Variants in DPP6 observed in about 807,000 individuals in gnomAD.
DPP6 encodes the protein dipeptidyl peptidase like 6.
Under a neutral mutation model 122.6 loss-of-function variants are expected in DPP6, and 69 were observed. The observed-to-expected ratio is 0.56, with a 90% CI of 0.46 to 0.69. The LOEUF (loss-of-function observed/expected upper bound fraction) is 0.69, where lower values mean the gene tolerates loss of function less well. Among genes scored for constraint, DPP6 ranks in the 30% least tolerant of loss-of-function variants. The pLI, the probability that DPP6 is intolerant of heterozygous loss-of-function variation, is 0.00. For missense variants in DPP6, 928 were observed against 1,116.9 expected (o/e 0.83, Z 2.41); for synonymous variants, 418 against 433.1 (o/e 0.97, Z 0.43).
At chr7:154,393,554 A>ATTTTTT (rs552425581) in intron 1 of DPP6, among the ~76,000 whole-genome samples, 4 of 141,498 alleles carry the variant, frequency 2.8e-5, no homozygotes, top group Admixed American at 1.4e-4. Flanking sequence ...AGATTGTTCA[A>ATTTTTT]TTTTTTTTTT....
intron 1 of DPP6, among the ~76,000 whole-genome samples, chr7:153,973,972 GC>G (rs1309964327): frequency 6.6e-6 from 1 of 151,806 alleles, no homozygotes; most frequent in Non-Finnish European, 1.5e-5. Flanking sequence ...TGAACCCTTA[GC>G]CATCCTTGTT....
chr7:154,369,468 A>G (rs1812459750), intron 1 of DPP6, among the ~76,000 whole-genome samples: 1 of 152,074 alleles, frequency 6.6e-6, no homozygotes. Context: ...TCCTGGGTTC[A>G]AGCGATTCTC....
intron 5 of DPP6, among the ~76,000 whole-genome samples, chr7:154,631,859 G>A (rs575203200): frequency 6.6e-6 from 1 of 152,284 alleles, no homozygotes; most frequent in Middle Eastern, 3.4e-3. Flanking sequence ...TCAACAAGAA[G>A]CAGGAGGGTA....
the DPP6 span, among the ~76,000 whole-genome samples, chr7:153,770,131 G>T: frequency 3.4e-4 from 52 of 152,244 alleles, no homozygotes; most frequent in East Asian, 9.9e-3. Flanking sequence ...GGACTCTACT[G>T]CCCCGTGTCC....
the DPP6 span, among the ~76,000 whole-genome samples, chr7:153,777,373 A>G: frequency 6.8e-5 from 10 of 147,522 alleles, no homozygotes; most frequent in East Asian, 1.8e-3. Context: ...TGGTCCAGGC[A>G]TCTCGTCCCT....
rs113605313 is a variant in DPP6, at chr7:154,810,858, C to T, written c.1666+3746C>T. On this transcript the variant is annotated intron_variant, in intron 16 of 25. Transcript: ENST00000377770. ...CTTCAGAAAGGATGGGATGCTCCTCCTGCCAATGCCTGGATCCCTATAATA... is the reference window on the plus strand; with the variant it reads ...CTTCAGAAAGGATGGGATGCTCCTCTTGCCAATGCCTGGATCCCTATAATA... Among the ~76,000 whole-genome samples the T allele has an allele frequency of 4.4e-3, 667 of 152,342 alleles. 2 individuals carry two copies. Among genetic ancestry groups the T allele is most frequent in the African/African-American group, 0.015 (630 of 41,584 alleles).
chr7:153,857,503 A>G, the DPP6 span, among the ~76,000 whole-genome samples: 1 of 152,174 alleles, frequency 6.6e-6, no homozygotes, highest in Non-Finnish European at 1.5e-5. Context: ...CACTGCTTAC[A>G]GCTTTCTGGC....
At chr7:154,087,225 C>T (rs1804489141) in intron 1 of DPP6, among the ~76,000 whole-genome samples, 1 of 151,862 alleles carries the variant, frequency 6.6e-6, no homozygotes, top group Non-Finnish European at 1.5e-5. Flanking sequence ...TTGGCTGGCA[C>T]ACAAGGAAGG....
intron 1 of DPP6, among the ~76,000 whole-genome samples, chr7:154,043,438 G>T (rs1460361233): frequency 1.6e-5 from 1 of 63,430 alleles, no homozygotes. Context: ...AAAAAAAAAA[G>T]GACCTATTCC....
the DPP6 span, among the ~76,000 whole-genome samples, chr7:153,804,119 G>A: frequency 1.1e-3 from 168 of 150,752 alleles, 1 homozygote; most frequent in African/African-American, 3.9e-3. Context: ...GTGTGATCTC[G>A]ACTCGCTGCA....
At chr7:154,161,089 G>T (rs1440272382) in intron 1 of DPP6, among the ~76,000 whole-genome samples, 1 of 152,166 alleles carries the variant, frequency 6.6e-6, no homozygotes, top group South Asian at 2.1e-4. Flanking sequence ...TTCTCCAAAA[G>T]AAATAGTTTT....
rs191679735 is a variant in DPP6 at position 154,516,628 on chromosome 7, G to A, written c.458-23904G>A. 5.5e-4 allele frequency among the ~76,000 whole-genome samples: 83 copies of A among 152,282 alleles called. 1 individual carries two copies. Among genetic ancestry groups the A allele is most frequent in the African/African-American group, 1.9e-3 (81 of 41,554 alleles). The stretch of plus-strand genomic sequence containing the variant: ...GACTCTATCCTCTGATTTAACACAT[G>A]GAGTGAGGACATAAGACTCAGGACT... On this transcript the variant is annotated intron_variant, in intron 3 of 25. Transcript: ENST00000377770.
intron 1 of DPP6, among the ~76,000 whole-genome samples, chr7:154,345,783 G>C (rs962475084): frequency 3.9e-5 from 6 of 152,164 alleles, no homozygotes; most frequent in African/African-American, 1.4e-4. Flanking sequence ...CCCTGGAACT[G>C]GGACCCTGTC....
At chr7:154,796,292 T>C (rs1798047901) in intron 12 of DPP6, 1 of 170,198 alleles carries the variant, frequency 5.9e-6, no homozygotes, top group Admixed American at 6.1e-5. Flanking sequence ...TGGTGTCTCA[T>C]TTGGAGTCAC....
rs146864904 is a variant in DPP6, at chr7:154,692,625, G to A, written c.762+23184G>A. On this transcript the variant is annotated intron_variant, in intron 7 of 25. Coordinates refer to ENST00000377770, the MANE Select transcript of DPP6 (RefSeq NM_130797.4). Reference sequence around the variant, plus strand: ...CTCTAGAGCCTTGAGAATTTGGGGTGTGAAATTCTAATTTCTGAGATGCTG... The same window carrying A: ...CTCTAGAGCCTTGAGAATTTGGGGTATGAAATTCTAATTTCTGAGATGCTG... Among the ~76,000 whole-genome samples the A allele has an allele frequency of 3.2e-3, 485 of 152,290 alleles. 3 individuals carry two copies. The highest frequency in any genetic ancestry group is 4.9e-3 in the Non-Finnish European group (336 of 68,028).
chr7:154,885,480 C>G, intron 21 of DPP6, 153 bp from the exon 22 acceptor site: 1 of 1,058,610 alleles, frequency 9.4e-7, no homozygotes, highest in Admixed American at 2.9e-5. Context: ...TCTCTTGTTA[C>G]TGCCCCGTGA....
At chr7:154,424,146 T>C (rs1480845600) in intron 1 of DPP6, among the ~76,000 whole-genome samples, 5 of 152,214 alleles carry the variant, frequency 3.3e-5, no homozygotes, top group Non-Finnish European at 7.3e-5. Context: ...AACCTTGCAA[T>C]GTCAGCTACG....
rs1796110743 is a variant in DPP6, at chr7:154,769,519, C to T, written c.986C>T (p.Pro329Leu). Residue 329 changes from proline (P) to leucine (L), a missense_variant, in exon 9 of 26, where the codon CCA becomes CTA. Pro to Leu is a moderately conservative substitution (Grantham distance 98). Coordinates refer to ENST00000377770, the MANE Select transcript of DPP6 (RefSeq NM_130797.4). The part of the protein sequence containing the change: ...NDSRVPIMEL[P>L]TYTGSIYPTV... Reference sequence around the variant, plus strand: ...TCCCGTGTCCCCATCATGGAGCTCCCAACTTACACCGGCTCCATCTACCCC... The same window carrying T: ...TCCCGTGTCCCCATCATGGAGCTCCTAACTTACACCGGCTCCATCTACCCC... 1 of 1,613,498 alleles carries T rather than the reference C, an allele frequency of 6.2e-7. No homozygotes were observed. Among genetic ancestry groups the T allele is most frequent in the Non-Finnish European group, 8.5e-7 (1 of 1,179,660 alleles).
chr7:154,352,201 C>T (rs1209073129), intron 1 of DPP6, among the ~76,000 whole-genome samples: 15 of 152,116 alleles, frequency 9.9e-5, no homozygotes, highest in African/African-American at 2.4e-4. Flanking sequence ...CGGTGGCTCA[C>T]GCCTGTAATC....
Sources: gnomAD v4.1 joint callset for allele counts (sites outside exome capture counted in the v4.1 genomes callset) on GRCh38, gnomAD v4.1.1 for gene constraint, MANE v1.5 for transcripts, NCBI Gene and HGNC (gene_info 2026-07-23, HGNC 2026-07-21) for gene names.